PDE4D: variants seen among roughly 807,000 people sequenced by gnomAD.
The protein encoded by PDE4D is phosphodiesterase 4D.
PDE4D carries 24 observed loss-of-function variants against 87.4 expected under a neutral mutation model. The observed-to-expected ratio is 0.27, with a 90% CI of 0.20 to 0.39. The LOEUF (loss-of-function observed/expected upper bound fraction) is 0.39. PDE4D is among the 10% of genes least tolerant of loss of function. The pLI is 1.00. For synonymous variants in PDE4D, 384 were observed against 383.2 expected (o/e 1.00, Z -0.02); for missense variants, 714 against 1,041.0 (o/e 0.69, Z 4.32).
At chr5:59,274,934 C>T (rs1032074037) in intron 1 of PDE4D, among the ~76,000 whole-genome samples, 5 of 152,082 alleles carry the variant, frequency 3.3e-5, no homozygotes, top group African/African-American at 1.2e-4. Flanking sequence ...TAATTTCTAA[C>T]ACATCTGTGC....
chr5:59,916,551 T>C (rs568590507), intron 3 of PDE4D, among the ~76,000 whole-genome samples: 5 of 152,316 alleles, frequency 3.3e-5, no homozygotes, highest in African/African-American at 1.2e-4. Flanking sequence ...AATCGATGCA[T>C]TTAATAACTA....
chr5:59,719,100 T>G (rs1755452271), intron 1 of PDE4D, among the ~76,000 whole-genome samples: 1 of 152,068 alleles, frequency 6.6e-6, no homozygotes, highest in Non-Finnish European at 1.5e-5. Context: ...GGGGTGAACT[T>G]TTGAGTCAGG....
chr5:59,498,217 A>G (rs1160007111), intron 1 of PDE4D, among the ~76,000 whole-genome samples: 1 of 151,722 alleles, frequency 6.6e-6, no homozygotes, highest in African/African-American at 2.4e-5. Flanking sequence ...CCTTGTTACC[A>G]TGAAAGCACA....
chr5:59,341,052 CT>C (rs1015868781), intron 1 of PDE4D, among the ~76,000 whole-genome samples: 18 of 152,054 alleles, frequency 1.2e-4, no homozygotes, highest in African/African-American at 4.3e-4. Context: ...AAAATTTTTA[CT>C]TTTTTTCACA....
chr5:59,609,352 C>T (rs1213027921), intron 1 of PDE4D, among the ~76,000 whole-genome samples: 5 of 131,712 alleles, frequency 3.8e-5, no homozygotes, highest in Middle Eastern at 3.8e-3. Context: ...ATGAGAAACA[C>T]GTATATCTCT....
chr5:59,814,743 A>G (rs570005322), intron 1 of PDE4D, among the ~76,000 whole-genome samples: 4 of 152,310 alleles, frequency 2.6e-5, no homozygotes, highest in African/African-American at 9.6e-5. Flanking sequence ...GACCAGCTGC[A>G]CTTCACAATG....
intron 3 of PDE4D, among the ~76,000 whole-genome samples, chr5:59,954,176 G>A (rs555156859): frequency 3.0e-4 from 45 of 152,208 alleles, no homozygotes; most frequent in African/African-American, 9.9e-4. Context: ...CACCGGCCTC[G>A]GTCTCCCAAA....
At chr5:59,564,936 G>A (rs886423550) in intron 1 of PDE4D, among the ~76,000 whole-genome samples, 2 of 152,190 alleles carry the variant, frequency 1.3e-5, no homozygotes. Flanking sequence ...CTCAAAGGAA[G>A]AGGAGGGTCT....
intron 1 of PDE4D, among the ~76,000 whole-genome samples, chr5:59,528,248 A>T (rs1813520655): frequency 1.3e-5 from 2 of 152,216 alleles, no homozygotes; most frequent in African/African-American, 4.8e-5. Flanking sequence ...AGGAAGCTTG[A>T]GGGAGGAGTG....
At chr5:60,356,728 A>T (rs1350012173) in intron 1 of PDE4D, among the ~76,000 whole-genome samples, 3 of 152,222 alleles carry the variant, frequency 2.0e-5, no homozygotes, top group African/African-American at 7.2e-5. Flanking sequence ...TGAGTGAGTA[A>T]ATAAATGATG....
At chr5:59,500,229 A>G (rs956697581) in intron 1 of PDE4D, among the ~76,000 whole-genome samples, 3 of 152,172 alleles carry the variant, frequency 2.0e-5, no homozygotes, top group African/African-American at 7.2e-5. Flanking sequence ...TAGAACCACC[A>G]TTTGACCCTG....
intron 5 of PDE4D, among the ~76,000 whole-genome samples, chr5:59,165,874 C>T (rs62357965): frequency 0.053 from 8,090 of 152,186 alleles, 268 homozygotes; most frequent in South Asian, 0.068. Flanking sequence ...TGCTGTTTGA[C>T]TCTTGAAATA....
intron 1 of PDE4D, among the ~76,000 whole-genome samples, chr5:60,310,926 A>T (rs1036527164): frequency 3.3e-5 from 5 of 152,070 alleles, no homozygotes; most frequent in Non-Finnish European, 5.9e-5. Context: ...CCACCAGCAT[A>T]CCTCGTAACA....
chr5:59,811,516 G>T (rs1181931608), intron 1 of PDE4D, among the ~76,000 whole-genome samples: 4 of 152,166 alleles, frequency 2.6e-5, no homozygotes, highest in Non-Finnish European at 5.9e-5. Context: ...TGACCTGGCT[G>T]GTCTTCACTC....
At chr5:59,823,251 C>T (rs991992182) in intron 1 of PDE4D, among the ~76,000 whole-genome samples, 4 of 152,164 alleles carry the variant, frequency 2.6e-5, no homozygotes, top group African/African-American at 7.2e-5. Context: ...TGTTTAATGC[C>T]TTCCTGTATA....
chr5:60,394,261 G>A (rs960930147), intron 1 of PDE4D, among the ~76,000 whole-genome samples: 19 of 152,104 alleles, frequency 1.2e-4, no homozygotes, highest in Non-Finnish European at 2.6e-4. Flanking sequence ...CCTACACAAG[G>A]TCACCGTTAA....
chr5:59,087,263 T>C (rs1306570039), intron 5 of PDE4D, among the ~76,000 whole-genome samples: 2 of 152,116 alleles, frequency 1.3e-5, no homozygotes, highest in Admixed American at 6.6e-5. Flanking sequence ...GGTGGGATGA[T>C]TGCTTGAGAC....
rs140177583 is a variant in PDE4D at position 58,972,057 on chromosome 5, C to G, written c.*2607G>C. On this transcript the variant is annotated 3_prime_UTR_variant, in exon 15 of 15. Transcript: ENST00000340635. ...TATTAGTGCAGTTATAAACCCTTTACCCTTTCAGGTCTGGATTTGTTAATG... is the reference window on the plus strand; with the variant it reads ...TATTAGTGCAGTTATAAACCCTTTAGCCTTTCAGGTCTGGATTTGTTAATG... The G allele has an allele frequency of 6.6e-6, 1 of 152,570 alleles. No individual in the cohort carries two copies. Among genetic ancestry groups the G allele is most frequent in the East Asian group, 1.9e-4 (1 of 5,172 alleles). 9.5% of individuals were successfully genotyped at this position (152,570 alleles called of 1,614,324 possible).
intron 1 of PDE4D, among the ~76,000 whole-genome samples, chr5:59,307,921 T>C (rs1184109643): frequency 6.6e-6 from 1 of 152,096 alleles, no homozygotes; most frequent in Non-Finnish European, 1.5e-5. Context: ...CGTATGTTTA[T>C]TGCGGCACTA....
Sources: allele counts gnomAD v4.1 joint callset (sites outside exome capture counted in the v4.1 genomes callset), GRCh38; gene constraint gnomAD v4.1.1; transcripts MANE v1.5; gene names NCBI Gene and HGNC (gene_info 2026-07-23, HGNC 2026-07-21).